Variants in GPC5 observed in about 807,000 individuals in gnomAD.
The protein encoded by GPC5 is glypican 5, also known as glypican-5.
Under a neutral mutation model 53.9 loss-of-function variants are expected in GPC5, and 47 were observed. The observed-to-expected ratio is 0.87, with a 90% confidence interval of 0.69 to 1.11. GPC5 has a LOEUF of 1.11. GPC5 is among the 50% of genes most tolerant of loss of function. The pLI, the probability that GPC5 is intolerant of heterozygous loss-of-function variation, is 0.00. For synonymous variants in GPC5, 286 were observed against 263.3 expected (o/e 1.09, Z -0.84); for missense variants, 748 against 713.1 (o/e 1.05, Z -0.56).
chr13:92,074,487 G>C (rs964395754), intron 6 of GPC5, among the ~76,000 whole-genome samples: 27 of 152,252 alleles, frequency 1.8e-4, no homozygotes, highest in African/African-American at 6.3e-4. Context: ...AAGTGTGGGG[G>C]AGCTGTGAAT....
intron 7 of GPC5, among the ~76,000 whole-genome samples, chr13:92,338,317 A>G (rs1204275321): frequency 1.3e-5 from 2 of 152,124 alleles, no homozygotes; most frequent in African/African-American, 4.8e-5. Flanking sequence ...AACAGGAACT[A>G]TCAATAATTG....
intron 6 of GPC5, among the ~76,000 whole-genome samples, chr13:92,078,494 CAT>C (rs2041270095): frequency 6.6e-6 from 1 of 152,164 alleles, no homozygotes; most frequent in Non-Finnish European, 1.5e-5. Flanking sequence ...CAATGCTTGA[CAT>C]AGAATAAATG....
At position 92,050,032 on chromosome 13, in the gene GPC5, G is replaced by GA. The variant is rs1242643418; in HGVS notation, c.1402-94792dup. 2.0e-5 allele frequency among the ~76,000 whole-genome samples: 3 copies of GA among 151,964 alleles called. No homozygotes were observed. The East Asian group carries it at 5.8e-4, about 29-fold the overall frequency. Reference sequence around the variant, plus strand: ...TCTTCCTGGATCATGGAAAATGATAGAAAAAATACAAAAGATATTTAAATA... The same window carrying GA: ...TCTTCCTGGATCATGGAAAATGATAGAAAAAAATACAAAAGATATTTAAATA... On this transcript the variant is annotated intron_variant, in intron 6 of 7. Coordinates refer to ENST00000377067, the MANE Select transcript of GPC5 (RefSeq NM_004466.6).
chr13:92,784,194 A>C (rs985251484), intron 7 of GPC5, among the ~76,000 whole-genome samples: 4 of 152,194 alleles, frequency 2.6e-5, no homozygotes, highest in Admixed American at 2.0e-4. Flanking sequence ...CAATTAAAGG[A>C]AAATCAGTCC....
intron 7 of GPC5, among the ~76,000 whole-genome samples, chr13:92,154,875 C>G (rs1050596934): frequency 6.6e-6 from 1 of 152,162 alleles, no homozygotes; most frequent in African/African-American, 2.4e-5. Flanking sequence ...CATAATTTCT[C>G]ACTTTATTCC....
chr13:92,213,261 C>G (rs1353833511), intron 7 of GPC5, among the ~76,000 whole-genome samples: 1 of 152,130 alleles, frequency 6.6e-6, no homozygotes, highest in African/African-American at 2.4e-5. Context: ...TTGTATCAAA[C>G]ATATATATGA....
At chr13:91,914,318 T>G (rs1449691355) in intron 6 of GPC5, among the ~76,000 whole-genome samples, 1 of 152,196 alleles carries the variant, frequency 6.6e-6, no homozygotes, top group African/African-American at 2.4e-5. Context: ...GCAAAGCCAA[T>G]AAATGTTACA....
chr13:91,621,474 C>T (rs1374535768), intron 2 of GPC5, among the ~76,000 whole-genome samples: 3 of 151,852 alleles, frequency 2.0e-5, no homozygotes, highest in African/African-American at 7.3e-5. Flanking sequence ...AGAGAAACCC[C>T]AGGATTTCTT....
chr13:91,918,398 TCTC>T (rs1156623113), intron 6 of GPC5, among the ~76,000 whole-genome samples: 2 of 152,146 alleles, frequency 1.3e-5, no homozygotes, highest in African/African-American at 4.8e-5. Context: ...ATATGGAACA[TCTC>T]CTTAATACTG....
intron 7 of GPC5, among the ~76,000 whole-genome samples, chr13:92,592,470 G>A (rs1384779948): frequency 6.6e-6 from 1 of 151,200 alleles, no homozygotes; most frequent in African/African-American, 2.4e-5. Context: ...TCCCTGCCAG[G>A]CAAATGTTCT....
At chr13:91,783,904 G>A (rs2037837113) in intron 5 of GPC5, among the ~76,000 whole-genome samples, 1 of 152,072 alleles carries the variant, frequency 6.6e-6, no homozygotes, top group Admixed American at 6.6e-5. Context: ...TCTCAAATAT[G>A]GTTTCTTACC....
intron 7 of GPC5, among the ~76,000 whole-genome samples, chr13:92,717,242 A>G (rs1197940607): frequency 6.6e-6 from 1 of 152,126 alleles, no homozygotes; most frequent in African/African-American, 2.4e-5. Flanking sequence ...GTTATCTTCC[A>G]TTGACAAGAA....
chr13:91,512,400 G>A (rs1339915850), intron 2 of GPC5, among the ~76,000 whole-genome samples: 5 of 152,124 alleles, frequency 3.3e-5, no homozygotes, highest in African/African-American at 1.2e-4. Context: ...GAGTATCTTG[G>A]GGGGATTTTT....
At chr13:92,680,579 GT>G (rs1224828322) in intron 7 of GPC5, among the ~76,000 whole-genome samples, 2 of 152,158 alleles carry the variant, frequency 1.3e-5, no homozygotes, top group African/African-American at 4.8e-5. Flanking sequence ...GACTAGAACT[GT>G]TTAGCAAGAA....
chr13:92,577,375 G>C (rs1311182827), intron 7 of GPC5, among the ~76,000 whole-genome samples: 1 of 151,618 alleles, frequency 6.6e-6, no homozygotes, highest in Non-Finnish European at 1.5e-5. Context: ...TATATAGCTA[G>C]ATAGATAAAC....
intron 7 of GPC5, among the ~76,000 whole-genome samples, chr13:92,501,737 C>T (rs528033084): frequency 8.6e-5 from 13 of 152,012 alleles, no homozygotes; most frequent in Non-Finnish European, 1.6e-4. Flanking sequence ...AACATGGAGA[C>T]GTTCTGTTAA....
intron 7 of GPC5, among the ~76,000 whole-genome samples, chr13:92,859,636 T>A (rs1197082851): frequency 6.6e-6 from 1 of 152,108 alleles, no homozygotes; most frequent in East Asian, 1.9e-4. Flanking sequence ...AGTATATAAC[T>A]GAGTACTGTG....
intron 2 of GPC5, among the ~76,000 whole-genome samples, chr13:91,462,573 A>C (rs1009893372): frequency 2.0e-5 from 3 of 152,118 alleles, no homozygotes; most frequent in African/African-American, 7.2e-5. Flanking sequence ...GAAAATGTGA[A>C]ATATCGTTGC....
intron 7 of GPC5, among the ~76,000 whole-genome samples, chr13:92,701,964 A>ATGAT (rs926475571): frequency 1.3e-5 from 2 of 152,142 alleles, no homozygotes; most frequent in African/African-American, 4.8e-5. Context: ...TAGGACTTAA[A>ATGAT]TGATAAGCTC....
Sources: allele counts gnomAD v4.1 joint callset (sites outside exome capture counted in the v4.1 genomes callset), GRCh38; gene constraint gnomAD v4.1.1; transcripts MANE v1.5; gene names NCBI Gene and HGNC (gene_info 2026-07-23, HGNC 2026-07-21).